The following CCDC171 variants were observed in gnomAD, a reference collection of about 807,000 sequenced individuals.
CCDC171 encodes the protein coiled-coil domain containing 171.
CCDC171 carries 177 observed loss-of-function variants against 168.2 expected under a neutral mutation model. The observed-to-expected ratio is 1.05, with a 90% CI of 0.93 to 1.19. The LOEUF is 1.19. CCDC171 is among the 50% of genes most tolerant of loss of function. The pLI, the probability that CCDC171 is intolerant of heterozygous loss-of-function variation, is 0.00. For synonymous variants in CCDC171, 687 were observed against 540.8 expected, an observed-to-expected ratio of 1.27 and a Z score of -3.75; for missense variants, 1,991 against 1,539.0, an observed-to-expected ratio of 1.29 and a Z score of -4.91.
intron 18 of CCDC171, among the ~76,000 whole-genome samples, chr9:15,754,809 G>A (rs1271938366): frequency 6.6e-6 from 1 of 152,056 alleles, no homozygotes; most frequent in Non-Finnish European, 1.5e-5. Context: ...GCTTAGAAGA[G>A]TCTTTGATTA....
chr9:15,904,069 C>T (rs1200266665), intron 24 of CCDC171, among the ~76,000 whole-genome samples: 5 of 152,094 alleles, frequency 3.3e-5, no homozygotes, highest in East Asian at 1.9e-4. Flanking sequence ...CTGAAAGTGA[C>T]GGGCAGAATG....
chr9:15,944,612 C>G lies in CCDC171; in HGVS notation c.3753+24190C>G, dbSNP rs1255408742. Among the ~76,000 whole-genome samples the G allele has an allele frequency of 4.6e-5, 7 of 152,098 alleles. No homozygotes were observed. The East Asian group carries it at 1.4e-3, about 30-fold the overall frequency. ...AAATATTTGAACACAGGCAGTTCAGCTCAAGAGCCCATTCATAGTAGCTAG... is the reference window on the plus strand; with the variant it reads ...AAATATTTGAACACAGGCAGTTCAGGTCAAGAGCCCATTCATAGTAGCTAG... On this transcript the variant is annotated intron_variant, in intron 25 of 25. Transcript: ENST00000380701.
chr9:15,658,038 A>G (rs757577645), intron 8 of CCDC171, among the ~76,000 whole-genome samples: 4 of 152,248 alleles, frequency 2.6e-5, no homozygotes, highest in Non-Finnish European at 5.9e-5. Context: ...CTTATGGTCC[A>G]CAAAAACTGA....
chr9:15,556,103 T>C (rs1453850409), intron 1 of CCDC171, among the ~76,000 whole-genome samples: 1 of 152,214 alleles, frequency 6.6e-6, no homozygotes, highest in African/African-American at 2.4e-5. Flanking sequence ...TTTGGGTTGG[T>C]TCCAAGTGTT....
rs1277893433 is a variant in CCDC171, at chr9:15,861,082, A to G, written c.3468+12135A>G. 1.3e-5 allele frequency among the ~76,000 whole-genome samples: 2 copies of G among 151,840 alleles called. 1 individual carries two copies. The highest frequency in any genetic ancestry group is 4.8e-5 in the African/African-American group (2 of 41,266). On this transcript the variant is annotated intron_variant, in intron 23 of 25. Transcript: ENST00000380701. The stretch of plus-strand genomic sequence containing the variant: ...AATCCTAATCTATTTTGTATGATAT[A>G]AATATATCCACTCCTACTCTTTTTT...
rs540085832 is a variant in CCDC171, at chr9:15,904,665, A to T, written c.3601-15605A>T. 1.9e-3 allele frequency among the ~76,000 whole-genome samples: 283 copies of T among 152,348 alleles called. 4 individuals are homozygous for T. Among genetic ancestry groups the T allele is most frequent in the Admixed American group, 0.017 (261 of 15,298 alleles). ...CATAATGTCAGGATCAAATTCACACATAACAATATTAACCTTAAATGTAAA... is the reference window on the plus strand; with the variant it reads ...CATAATGTCAGGATCAAATTCACACTTAACAATATTAACCTTAAATGTAAA... On this transcript the variant is annotated intron_variant, in intron 24 of 25. Transcript: ENST00000380701.
chr9:15,891,094 T>C (rs890239881), intron 24 of CCDC171, among the ~76,000 whole-genome samples: 1 of 152,190 alleles, frequency 6.6e-6, no homozygotes, highest in African/African-American at 2.4e-5. Flanking sequence ...TCTAGCTAAA[T>C]GTGTTTTTAG....
At chr9:15,989,527 C>G (rs568680113) in intron 3 of CCDC171, among the ~76,000 whole-genome samples, 2 of 152,250 alleles carry the variant, frequency 1.3e-5, no homozygotes, top group East Asian at 1.9e-4. Context: ...GGCCTCTCCC[C>G]CTCCAAAGGA....
intron 21 of CCDC171, among the ~76,000 whole-genome samples, chr9:15,797,559 G>T (rs2058621760): frequency 1.3e-5 from 2 of 152,126 alleles, no homozygotes; most frequent in African/African-American, 4.8e-5. Flanking sequence ...CTTATTCATT[G>T]TAAAAATTCT....
At chr9:15,788,918 C>T (rs1175174131) in intron 21 of CCDC171, among the ~76,000 whole-genome samples, 1 of 151,926 alleles carries the variant, frequency 6.6e-6, no homozygotes, top group Non-Finnish European at 1.5e-5. Context: ...TCAGAATGGC[C>T]TTTTGTTTTA....
intron 25 of CCDC171, among the ~76,000 whole-genome samples, chr9:15,960,897 G>A (rs1446497119): frequency 2.0e-5 from 3 of 152,138 alleles, no homozygotes; most frequent in South Asian, 2.1e-4. Flanking sequence ...ACCATGGTCA[G>A]TGGGGAAATA....
intron 21 of CCDC171, among the ~76,000 whole-genome samples, chr9:15,804,660 A>G (rs753723571): frequency 9.2e-5 from 14 of 152,022 alleles, no homozygotes; most frequent in Non-Finnish European, 1.3e-4. Context: ...GGATTTTTGC[A>G]TTGATGTTCA....
At chr9:15,657,316 T>C in intron 8 of CCDC171, 97 bp downstream of exon 8, 1 of 665,746 alleles carries the variant, frequency 1.5e-6, no homozygotes, top group Non-Finnish European at 2.7e-6. Context: ...AGGTGTGCAT[T>C]GAGAATGGGT....
intron 7 of CCDC171, among the ~76,000 whole-genome samples, chr9:15,642,796 C>T (rs2046745863): frequency 1.3e-5 from 2 of 151,836 alleles, no homozygotes; most frequent in Non-Finnish European, 2.9e-5. Context: ...TTATTTCAAC[C>T]CCCTGTGTTT....
chr9:16,095,520 C>G, the CCDC171 span, among the ~76,000 whole-genome samples: 1 of 150,562 alleles, frequency 6.6e-6, no homozygotes, highest in African/African-American at 2.5e-5. Flanking sequence ...TCTCTCTTCT[C>G]TCTCACACAC....
chr9:16,026,061 G>C (rs1481541216), intron 6 of CCDC171, among the ~76,000 whole-genome samples: 2 of 152,206 alleles, frequency 1.3e-5, no homozygotes, highest in African/African-American at 2.4e-5. Context: ...CAACTGTATG[G>C]TAAGGGAAGA....
intron 25 of CCDC171, among the ~76,000 whole-genome samples, chr9:15,931,808 G>C (rs1826550852): frequency 6.6e-6 from 1 of 151,688 alleles, no homozygotes; most frequent in African/African-American, 2.4e-5. Context: ...TATGGTAAGA[G>C]GTAGGGGGTC....
intron 7 of CCDC171, among the ~76,000 whole-genome samples, chr9:15,644,189 TA>T (rs2046857039): frequency 6.6e-6 from 1 of 152,228 alleles, no homozygotes. Context: ...TTCCTATCAG[TA>T]ATGTATGAGG....
At position 15,927,538 on chromosome 9, in the gene CCDC171, T is replaced by A. The variant is rs76215968; in HGVS notation, c.3753+7116T>A. Among the ~76,000 whole-genome samples, 21 of 151,898 alleles carry A rather than the reference T, an allele frequency of 1.4e-4. No homozygotes were observed. The East Asian group carries it at 4.1e-3, about 30-fold the overall frequency. On this transcript the variant is annotated intron_variant, in intron 25 of 25. Coordinates refer to ENST00000380701, the MANE Select transcript of CCDC171 (RefSeq NM_173550.4). ...TCCACTGTATGTTTAAGCAGTATGT[T>A]TTTAATTTTATAGGACTTTATTTAT...
Sources: allele counts gnomAD v4.1 joint callset (sites outside exome capture counted in the v4.1 genomes callset), GRCh38; gene constraint gnomAD v4.1.1; transcripts MANE v1.5; gene names NCBI Gene and HGNC (gene_info 2026-07-23, HGNC 2026-07-21).